NAA11: variants seen among roughly 807,000 people sequenced by gnomAD.
NAA11 encodes N-alpha-acetyltransferase 11.
In NAA11, 15 loss-of-function variants were observed where a neutral mutation model predicts 16.1. The ratio of observed to expected loss-of-function variants is 0.93; its 90% CI spans 0.62 to 1.44. NAA11 has a LOEUF of 1.44. Among genes scored for constraint, NAA11 ranks in the 40% most tolerant of loss-of-function variants. The pLI, the probability that NAA11 is intolerant of heterozygous loss-of-function variation, is 0.00. For missense variants in NAA11, 298 were observed against 291.3 expected (o/e 1.02, Z -0.17); for synonymous variants, 122 against 112.4 (o/e 1.09, Z -0.54).
the NAA11 span, among the ~76,000 whole-genome samples, chr4:79,210,069 T>C: frequency 3.3e-5 from 5 of 152,100 alleles, no homozygotes; most frequent in African/African-American, 9.7e-5. Flanking sequence ...TGGTTAAATT[T>C]GTTATGCATG....
chr4:79,259,838 G>A (rs1722209099), intron 2 of NAA11, among the ~76,000 whole-genome samples: 1 of 152,148 alleles, frequency 6.6e-6, no homozygotes, highest in Non-Finnish European at 1.5e-5. Context: ...TCTTGGTTTT[G>A]TTGTTCTCCC....
intron 2 of NAA11, among the ~76,000 whole-genome samples, chr4:79,232,809 T>C (rs1721495899): frequency 6.6e-6 from 1 of 151,988 alleles, no homozygotes; most frequent in Non-Finnish European, 1.5e-5. Flanking sequence ...CAGTCAACTC[T>C]AGATTGAGTC....
At chr4:79,185,580 G>A in the NAA11 span, among the ~76,000 whole-genome samples, 4 of 152,028 alleles carry the variant, frequency 2.6e-5, no homozygotes, top group Non-Finnish European at 5.9e-5. Flanking sequence ...AATTCCACTC[G>A]TTTAAAAAAC....
At chr4:79,272,082 ATATAT>A (rs755043941) in intron 2 of NAA11, among the ~76,000 whole-genome samples, 37 of 152,046 alleles carry the variant, frequency 2.4e-4, no homozygotes, top group African/African-American at 4.3e-4. Flanking sequence ...CAACACACAC[ATATAT>A]TATATGTGTG....
At chr4:79,248,991 G>GCCC (rs138678447) in intron 2 of NAA11, among the ~76,000 whole-genome samples, 11 of 150,704 alleles carry the variant, frequency 7.3e-5, no homozygotes, top group African/African-American at 2.7e-4. Context: ...GAGCACTTGA[G>GCCC]CCCCCCCCCA....
At chr4:79,207,237 T>G in the NAA11 span, among the ~76,000 whole-genome samples, 1 of 151,948 alleles carries the variant, frequency 6.6e-6, no homozygotes, top group African/African-American at 2.4e-5. Flanking sequence ...AGTACTATGT[T>G]GAATAGAAGT....
the NAA11 span, among the ~76,000 whole-genome samples, chr4:79,158,171 G>A: frequency 7.1e-6 from 1 of 141,558 alleles, no homozygotes; most frequent in Non-Finnish European, 1.6e-5. Flanking sequence ...AAAGTGCTGG[G>A]ATTACAGCCG....
intron 2 of NAA11, chr4:79,244,790 A>G: frequency 6.5e-6 from 1 of 152,838 alleles, no homozygotes; most frequent in Non-Finnish European, 1.5e-5. Context: ...GCCACGCCTG[A>G]CTGGTTTTTG....
the NAA11 span, among the ~76,000 whole-genome samples, chr4:79,163,808 G>A: frequency 5.3e-5 from 8 of 152,154 alleles, no homozygotes; most frequent in East Asian, 1.9e-4. Context: ...CAGGAGATAG[G>A]AAAGATTACC....
chr4:79,189,154 A>AAAAAAAAAAAAAAAAC, the NAA11 span, among the ~76,000 whole-genome samples: 1 of 147,196 alleles, frequency 6.8e-6, no homozygotes, highest in Non-Finnish European at 1.5e-5. Flanking sequence ...TCAAAAAAAA[A>AAAAAAAAAAAAAAAAC]AAAAAAAAAA....
chr4:79,223,850 A>G (rs915157249), downstream of NAA11, among the ~76,000 whole-genome samples: 1 of 151,820 alleles, frequency 6.6e-6, no homozygotes, highest in Admixed American at 6.6e-5. Context: ...ATCTAAATAT[A>G]TGTTTTGTGT....
chr4:79,325,113 C>T, intron 1 of NAA11, 63 bp downstream of exon 1: 2 of 1,390,368 alleles, frequency 1.4e-6, no homozygotes, highest in Non-Finnish European at 1.9e-6. Flanking sequence ...TGGAATTGGG[C>T]AGGCCAAGGC....
chr4:79,177,162 A>AT, the NAA11 span, among the ~76,000 whole-genome samples: 18,437 of 151,728 alleles, frequency 0.12, 1,364 homozygotes, highest in African/African-American at 0.19. Context: ...ATGAATTTTT[A>AT]TTTTTTTTAC....
At chr4:79,281,784 T>A (rs1232584260) in intron 2 of NAA11, among the ~76,000 whole-genome samples, 1 of 152,074 alleles carries the variant, frequency 6.6e-6, no homozygotes, top group African/African-American at 2.4e-5. Flanking sequence ...AGTCATGGGT[T>A]CTTAGTTTCT....
chr4:79,280,188 A>G (rs1196994524), intron 2 of NAA11, among the ~76,000 whole-genome samples: 1 of 152,116 alleles, frequency 6.6e-6, no homozygotes, highest in Non-Finnish European at 1.5e-5. Context: ...AAAAGTTTCC[A>G]GAAGACAATG....
At chr4:79,161,641 C>T in the NAA11 span, among the ~76,000 whole-genome samples, 1 of 151,640 alleles carries the variant, frequency 6.6e-6, no homozygotes, top group East Asian at 1.9e-4. Flanking sequence ...ATTGAGTCTC[C>T]TAATCCATGT....
chr4:79,169,682 G>A, the NAA11 span, among the ~76,000 whole-genome samples: 1 of 152,112 alleles, frequency 6.6e-6, no homozygotes, highest in South Asian at 2.1e-4. Flanking sequence ...TCAGGACATA[G>A]GCATGGGCAA....
At chr4:79,325,073 C>T in intron 1 of NAA11, 103 bp downstream of exon 1, 1 of 1,088,710 alleles carries the variant, frequency 9.2e-7, no homozygotes, top group Non-Finnish European at 1.3e-6. Flanking sequence ...ACCGTAAAAT[C>T]TCGCAGGGCC....
At chr4:79,319,361 GCTTTA>G (rs1724025209) in intron 1 of NAA11, among the ~76,000 whole-genome samples, 1 of 151,884 alleles carries the variant, frequency 6.6e-6, no homozygotes, top group Non-Finnish European at 1.5e-5. Flanking sequence ...GAATACTATG[GCTTTA>G]CTTTAAAAAA....
Sources: gnomAD v4.1 joint callset for allele counts (sites outside exome capture counted in the v4.1 genomes callset) on GRCh38, gnomAD v4.1.1 for gene constraint, MANE v1.5 for transcripts, NCBI Gene and HGNC (gene_info 2026-07-23, HGNC 2026-07-21) for gene names.